The following MYO16 variants were observed in gnomAD, a reference collection of about 807,000 sequenced individuals.
The protein encoded by MYO16 is myosin XVI, also known as unconventional myosin-XVI.
Under a neutral mutation model 205.3 loss-of-function variants are expected in MYO16, and 94 were observed. The ratio of observed to expected loss-of-function variants is 0.46; its 90% CI spans 0.39 to 0.54. MYO16 has a LOEUF of 0.54. MYO16 is among the 20% of genes least tolerant of loss of function. The pLI, the probability that MYO16 is intolerant of heterozygous loss-of-function variation, is 0.00. For synonymous variants in MYO16, 988 were observed against 954.0 expected (o/e 1.04, Z -0.66); for missense variants, 2,315 against 2,387.5 (o/e 0.97, Z 0.63).
chr13:108,798,956 C>T (rs1041650281), intron 6 of MYO16, among the ~76,000 whole-genome samples: 1 of 150,050 alleles, frequency 6.7e-6, no homozygotes, highest in Admixed American at 6.6e-5. Flanking sequence ...CCACCCGCCT[C>T]GGCCTCCCAA....
At chr13:108,746,091 G>A (rs977769364) in intron 4 of MYO16, among the ~76,000 whole-genome samples, 3 of 152,136 alleles carry the variant, frequency 2.0e-5, no homozygotes, top group African/African-American at 7.2e-5. Flanking sequence ...TACTCGGGAG[G>A]CTGAGGCAGG....
intron 1 of MYO16, 81 bp downstream of exon 1, chr13:108,629,953 G>A (rs986106226): frequency 3.9e-6 from 5 of 1,268,282 alleles, no homozygotes; most frequent in Non-Finnish European, 4.4e-6. Flanking sequence ...AATTAAGGCA[G>A]TTCTCCTGGT....
intron 2 of MYO16, among the ~76,000 whole-genome samples, chr13:108,709,575 A>G (rs1883645060): frequency 7.4e-6 from 1 of 135,048 alleles, no homozygotes; most frequent in Non-Finnish European, 1.6e-5. Flanking sequence ...TCTTACACGT[A>G]AGGTACTCAG....
At chr13:108,855,609 T>G (rs1303069870) in intron 11 of MYO16, 56 bp downstream of exon 11, 2 of 1,243,444 alleles carry the variant, frequency 1.6e-6, no homozygotes, top group Non-Finnish European at 1.1e-6. Context: ...CATATTTTTA[T>G]CACCCTTCAG....
rs1204419617 is a variant in MYO16 at position 108,823,042 on chromosome 13, A to G, written c.944-83A>G. The G allele has an allele frequency of 3.1e-6, 4 of 1,273,788 alleles. No individual in the cohort carries two copies. In the African/African-American group the frequency reaches 4.5e-5, roughly 14 times the overall value. 78.9% of individuals were successfully genotyped at this position (1,273,788 alleles called of 1,614,324 possible). A position where few individuals can be genotyped will look rare whatever the true frequency, so the allele number is the denominator to read the frequency against. Reference sequence around the variant, plus strand: ...TTGATAAATTTTTAGCATTTTAAGCATATCGGAATTATTGAAAGTAAATAG... The same window carrying G: ...TTGATAAATTTTTAGCATTTTAAGCGTATCGGAATTATTGAAAGTAAATAG... On this transcript the variant is annotated intron_variant, in intron 8 of 34. Transcript: ENST00000457511.
intron 3 of MYO16, among the ~76,000 whole-genome samples, chr13:108,725,207 A>G (rs1382484627): frequency 6.6e-6 from 1 of 152,174 alleles, no homozygotes; most frequent in Non-Finnish European, 1.5e-5. Flanking sequence ...AACATAGGGA[A>G]TATAGTTATA....
chr13:108,889,121 A>G (rs1880043668), intron 14 of MYO16, among the ~76,000 whole-genome samples: 2 of 152,166 alleles, frequency 1.3e-5, no homozygotes, highest in South Asian at 4.1e-4. Context: ...CTGGCCAGAA[A>G]AGAAATTATT....
At chr13:108,558,597 C>A in the MYO16 span, among the ~76,000 whole-genome samples, 1 of 152,202 alleles carries the variant, frequency 6.6e-6, no homozygotes, top group Non-Finnish European at 1.5e-5. Context: ...GCAGCAGAAG[C>A]CTCCTCCACT....
the MYO16 span, among the ~76,000 whole-genome samples, chr13:108,552,397 T>C: frequency 6.6e-6 from 1 of 152,182 alleles, no homozygotes; most frequent in Non-Finnish European, 1.5e-5. Context: ...AAACGTGTTT[T>C]ATTTTATTTA....
At chr13:108,759,588 G>A (rs35394956) in intron 4 of MYO16, among the ~76,000 whole-genome samples, 18,331 of 152,130 alleles carry the variant, frequency 0.12, 1,193 homozygotes, top group Non-Finnish European at 0.16. Flanking sequence ...TTGGGAGGCC[G>A]AGGTGGGCGG....
chr13:108,567,458 G>A, the MYO16 span, among the ~76,000 whole-genome samples: 1 of 152,120 alleles, frequency 6.6e-6, no homozygotes, highest in Non-Finnish European at 1.5e-5. Context: ...AATAAAAATG[G>A]CCAACAGACA....
At chr13:108,516,048 G>T in the MYO16 span, among the ~76,000 whole-genome samples, 1 of 143,788 alleles carries the variant, frequency 7.0e-6, no homozygotes, top group East Asian at 2.2e-4. Context: ...AGCAAGCCTG[G>T]GCAATGGCGG....
chr13:109,195,854 GGAATGCATATCCATAGAAATTGAAGAAA>G (rs1355689150), intron 34 of MYO16, among the ~76,000 whole-genome samples: 1 of 152,102 alleles, frequency 6.6e-6, no homozygotes, highest in African/African-American at 2.4e-5. Flanking sequence ...ATGATCCACA[GGAATGCATATCCATAGAAATTGAAGAAA>G]TTTTATATCT....
At chr13:108,739,921 A>G (rs1884841606) in intron 4 of MYO16, among the ~76,000 whole-genome samples, 1 of 152,064 alleles carries the variant, frequency 6.6e-6, no homozygotes, top group African/African-American at 2.4e-5. Flanking sequence ...CTTCCAGTTG[A>G]TCAAATCGGT....
At chr13:108,658,426 T>TTGTGTG (rs145187326) in intron 1 of MYO16, among the ~76,000 whole-genome samples, 12,577 of 145,108 alleles carry the variant, frequency 0.087, 791 homozygotes, top group African/African-American at 0.17. Context: ...TGTTTCAACT[T>TTGTGTG]TGTGTGTGTG....
intron 23 of MYO16, 23 bp from the exon 24 acceptor site, chr13:109,046,893 T>G (rs907373106): frequency 1.3e-6 from 2 of 1,564,750 alleles, no homozygotes; most frequent in Non-Finnish European, 1.8e-6. Flanking sequence ...CATTAGTAAT[T>G]ATGCTGCTTT....
intron 27 of MYO16, among the ~76,000 whole-genome samples, chr13:109,081,318 T>A (rs1388198782): frequency 1.3e-5 from 2 of 152,228 alleles, no homozygotes; most frequent in African/African-American, 2.4e-5. Context: ...CAAAATGTTC[T>A]CTGAAGACCT....
chr13:108,802,591 C>T (rs1169056692), intron 6 of MYO16, among the ~76,000 whole-genome samples: 1 of 152,074 alleles, frequency 6.6e-6, no homozygotes, highest in Non-Finnish European at 1.5e-5. Context: ...AGGATATATA[C>T]CAGAGTGGGG....
At chr13:109,158,489 T>C (rs1466303427) in intron 32 of MYO16, among the ~76,000 whole-genome samples, 2 of 152,288 alleles carry the variant, frequency 1.3e-5, no homozygotes, top group Non-Finnish European at 2.9e-5. Context: ...TATAAAACAG[T>C]CTTGTTACTG....
Sources: allele counts gnomAD v4.1 joint callset (sites outside exome capture counted in the v4.1 genomes callset), GRCh38; gene constraint gnomAD v4.1.1; transcripts MANE v1.5; gene names NCBI Gene and HGNC (gene_info 2026-07-23, HGNC 2026-07-21).